DIAPH2: variants seen among roughly 807,000 people sequenced by gnomAD.
The protein encoded by DIAPH2 is diaphanous related formin 2.
In DIAPH2, 35 loss-of-function variants were observed where a neutral mutation model predicts 92.7. That is an observed-to-expected ratio of 0.38 (90% CI 0.29 to 0.50). DIAPH2 has a LOEUF of 0.50. Ranked by LOEUF, DIAPH2 falls within the 20% of genes least tolerant of loss-of-function variation. DIAPH2 has a pLI of 0.94. For missense variants in DIAPH2, 701 were observed against 819.5 expected (o/e 0.86, Z 1.77); for synonymous variants, 301 against 280.4 (o/e 1.07, Z -0.73).
chrX:97,203,923 A>G (rs2067774360), intron 22 of DIAPH2, among the ~76,000 whole-genome samples: 1 of 112,232 alleles, frequency 8.9e-6, no homozygotes, highest in South Asian at 3.7e-4. Flanking sequence ...GAAATCCTCA[A>G]TAACATATTG....
intron 19 of DIAPH2, among the ~76,000 whole-genome samples, chrX:97,079,475 G>A (rs957599223): frequency 5.4e-5 from 6 of 111,498 alleles, no homozygotes; most frequent in African/African-American, 2.0e-4. Context: ...GACAGTGGTT[G>A]TAGCCCTGAC....
At chrX:97,015,860 G>A (rs764814173) in intron 17 of DIAPH2, among the ~76,000 whole-genome samples, 1 of 107,469 alleles carries the variant, frequency 9.3e-6, no homozygotes, top group Non-Finnish European at 1.9e-5. Flanking sequence ...ATTAATAGCT[G>A]TATCTGGAGT....
intron 17 of DIAPH2, among the ~76,000 whole-genome samples, chrX:97,006,217 A>G (rs2066181411): frequency 8.9e-6 from 1 of 111,774 alleles, no homozygotes; most frequent in Non-Finnish European, 1.9e-5. Flanking sequence ...GTCCTTGAGA[A>G]TGATCCATAT....
intron 22 of DIAPH2, among the ~76,000 whole-genome samples, chrX:97,147,422 G>T (rs765462270): frequency 1.3e-3 from 147 of 109,656 alleles, no homozygotes; most frequent in African/African-American, 4.8e-3. Flanking sequence ...ATATCTAATA[G>T]ATATATATTG....
At chrX:97,028,096 G>A (rs1303238238) in intron 17 of DIAPH2, among the ~76,000 whole-genome samples, 3 of 111,586 alleles carry the variant, frequency 2.7e-5, no homozygotes, top group Non-Finnish European at 5.7e-5. Context: ...ATAGAAATAA[G>A]GATGCCAAAA....
At chrX:97,216,178 T>C (rs1462822739) in intron 22 of DIAPH2, among the ~76,000 whole-genome samples, 1 of 112,474 alleles carries the variant, frequency 8.9e-6, no homozygotes, top group Admixed American at 9.4e-5. Flanking sequence ...GAGGCCTCAA[T>C]TAATGAATCT....
At chrX:97,033,928 G>C (rs2066393044) in intron 17 of DIAPH2, among the ~76,000 whole-genome samples, 1 of 111,610 alleles carries the variant, frequency 9.0e-6, no homozygotes, top group African/African-American at 3.2e-5. Flanking sequence ...TGTTGTTCCA[G>C]TAATTAGCAT....
chrX:97,393,049 T>C (rs2069674465), intron 25 of DIAPH2, among the ~76,000 whole-genome samples: 1 of 110,582 alleles, frequency 9.0e-6, no homozygotes, highest in Admixed American at 9.8e-5. Flanking sequence ...GTAGGAGAGC[T>C]AAGGTCATTA....
At chrX:97,490,733 T>C (rs1320124607) in intron 26 of DIAPH2, among the ~76,000 whole-genome samples, 1 of 111,545 alleles carries the variant, frequency 9.0e-6, no homozygotes, top group Non-Finnish European at 1.9e-5. Context: ...CCTTCTGCTA[T>C]TAATTTCTAG....
chrX:97,357,215 G>GATA (rs1468464223), intron 24 of DIAPH2, among the ~76,000 whole-genome samples: 7 of 111,669 alleles, frequency 6.3e-5, no homozygotes, highest in African/African-American at 2.3e-4. Flanking sequence ...ATTGGCCAGA[G>GATA]GTATTGATTG....
chrX:97,060,281 GAA>G (rs953123381), intron 17 of DIAPH2, among the ~76,000 whole-genome samples: 17 of 112,407 alleles, frequency 1.5e-4, no homozygotes, highest in Admixed American at 1.5e-3. Context: ...AGTTTGCTAG[GAA>G]AAAGAGTCAG....
intron 22 of DIAPH2, among the ~76,000 whole-genome samples, chrX:97,223,824 T>A (rs2067944573): frequency 8.9e-6 from 1 of 112,060 alleles, no homozygotes; most frequent in Admixed American, 9.5e-5. Flanking sequence ...GTATTAGCAA[T>A]TCAAGAAGCA....
intron 24 of DIAPH2, among the ~76,000 whole-genome samples, chrX:97,349,082 AT>A (rs201110907): frequency 0.31 from 26,738 of 85,863 alleles, 3,595 homozygotes; most frequent in East Asian, 0.56. Flanking sequence ...ATATATATAT[AT>A]TTTTTTTTTT....
intron 3 of DIAPH2, among the ~76,000 whole-genome samples, chrX:96,757,066 C>T (rs6620156): frequency 0.16 from 16,867 of 106,984 alleles, 1,216 homozygotes; most frequent in East Asian, 0.32. Flanking sequence ...TACAGGCACC[C>T]GCCACCACGC....
At chrX:97,588,699 A>C (rs2071494718) in intron 26 of DIAPH2, among the ~76,000 whole-genome samples, 1 of 109,813 alleles carries the variant, frequency 9.1e-6, no homozygotes, top group African/African-American at 3.3e-5. Flanking sequence ...TCATGTTCTA[A>C]AATTTGTAAG....
At chrX:96,962,638 T>G (rs2065871904) in intron 16 of DIAPH2, among the ~76,000 whole-genome samples, 1 of 105,434 alleles carries the variant, frequency 9.5e-6, no homozygotes, top group African/African-American at 3.5e-5. Context: ...ATTTTCAGCC[T>G]ATGTGTGTCT....
In DIAPH2 at chrX:97,112,995, G is replaced by T. The variant is rs1277042754; in HGVS notation, c.2350-1731G>T. On this transcript the variant is annotated intron_variant, in intron 20 of 26. Coordinates refer to ENST00000324765, the MANE Select transcript of DIAPH2 (RefSeq NM_006729.5). ...GGGTTTCGCCACGTTGGCCAGGCTGGTCTCAAACTCCTGACCTCAAGTGAT... is the reference window on the plus strand; with the variant it reads ...GGGTTTCGCCACGTTGGCCAGGCTGTTCTCAAACTCCTGACCTCAAGTGAT... Among the ~76,000 whole-genome samples the T allele has an allele frequency of 1.2e-4, 13 of 108,349 alleles. No homozygotes were observed. The East Asian group carries it at 3.5e-3, about 29-fold the overall frequency. 94.1% of individuals were successfully genotyped at this position (108,349 alleles called of 115,157 possible).
At chrX:96,695,638 A>T (rs1234099646) in intron 1 of DIAPH2, among the ~76,000 whole-genome samples, 2 of 112,002 alleles carry the variant, frequency 1.8e-5, no homozygotes, top group Admixed American at 9.4e-5. Context: ...GGGTTCTGTT[A>T]TAGCTAATTG....
At position 97,141,667 on chromosome X, in the gene DIAPH2, C is replaced by A. The variant is rs753526878; in HGVS notation, c.2592C>A (p.Ile864=). 1 of 1,192,888 alleles carries A rather than the reference C, an allele frequency of 8.4e-7. No homozygotes were observed. The highest frequency in any genetic ancestry group is 1.1e-6 in the Non-Finnish European group (1 of 888,987). The change falls in exon 22 of 27, where the codon ATC becomes ATA. Residue 864 remains isoleucine (I), a splice_region_variant and synonymous_variant. Transcript: ENST00000324765. ...AATGTGTTGTTGTTTTCTCCCAGAT[C>A]AGAGATACTAAATCAGCGGATCAAA... ...LGFKINFLCK[I]RDTKSADQKT... is the part of the protein sequence containing the mutation.
Sources: gnomAD v4.1 joint callset for allele counts (sites outside exome capture counted in the v4.1 genomes callset) on GRCh38, gnomAD v4.1.1 for gene constraint, MANE v1.5 for transcripts, NCBI Gene and HGNC (gene_info 2026-07-23, HGNC 2026-07-21) for gene names.